The following BCL2 variants were observed in gnomAD, a reference collection of about 807,000 sequenced individuals.
BCL2 encodes the protein apoptosis regulator Bcl-2.
In BCL2, 1 loss-of-function variant was observed where a neutral mutation model predicts 14.2. The ratio of observed to expected loss-of-function variants is 0.07; its 90% CI spans 0.02 to 0.33. BCL2 has a LOEUF of 0.33. Among genes scored for constraint, BCL2 ranks in the 10% least tolerant of loss-of-function variants. The pLI is 0.99. For synonymous variants in BCL2, 151 were observed against 137.2 expected (o/e 1.10, Z -0.70); for missense variants, 247 against 305.9 (o/e 0.81, Z 1.44).
intron 2 of BCL2, among the ~76,000 whole-genome samples, chr18:63,273,954 C>T (rs571149241): frequency 6.6e-6 from 1 of 152,232 alleles, no homozygotes; most frequent in East Asian, 1.9e-4. Context: ...GGAATAAAAA[C>T]ACATATTCCT....
At chr18:63,240,218 G>A (rs1054369268) in intron 2 of BCL2, among the ~76,000 whole-genome samples, 8 of 152,038 alleles carry the variant, frequency 5.3e-5, no homozygotes, top group African/African-American at 1.9e-4. Flanking sequence ...TGAACTCCTG[G>A]GCTCAAGTGA....
intron 2 of BCL2, among the ~76,000 whole-genome samples, chr18:63,228,995 C>T (rs1204524859): frequency 6.6e-6 from 1 of 152,214 alleles, no homozygotes; most frequent in African/African-American, 2.4e-5. Flanking sequence ...CAGGCATGAG[C>T]CACCACGCCC....
chr18:63,286,385 A>G (rs1027117543), intron 2 of BCL2, among the ~76,000 whole-genome samples: 2 of 152,252 alleles, frequency 1.3e-5, no homozygotes, highest in Admixed American at 1.3e-4. Context: ...TAGACACAAA[A>G]TGAATAAACA....
intron 2 of BCL2, among the ~76,000 whole-genome samples, chr18:63,133,191 G>A (rs749855988): frequency 3.3e-5 from 5 of 152,292 alleles, no homozygotes; most frequent in East Asian, 3.9e-4. Context: ...AGGTGTGGAC[G>A]GGAACAGACC....
intron 2 of BCL2, among the ~76,000 whole-genome samples, chr18:63,263,624 C>G (rs1233719635): frequency 2.6e-5 from 4 of 152,254 alleles, no homozygotes; most frequent in Admixed American, 2.6e-4. Flanking sequence ...GCAGTCACAT[C>G]ATTGCATCAT....
At chr18:63,220,145 G>A (rs1910346773) in intron 2 of BCL2, among the ~76,000 whole-genome samples, 3 of 152,148 alleles carry the variant, frequency 2.0e-5, no homozygotes, top group Admixed American at 6.5e-5. Context: ...TTTATTACCT[G>A]TAAAGTTGGG....
chr18:63,242,211 T>A (rs1030720403), intron 2 of BCL2, among the ~76,000 whole-genome samples: 1 of 152,214 alleles, frequency 6.6e-6, no homozygotes, highest in Non-Finnish European at 1.5e-5. Context: ...CTTAAGAATA[T>A]GAGAAAACAG....
intron 2 of BCL2, among the ~76,000 whole-genome samples, chr18:63,234,790 C>T (rs1910778043): frequency 1.3e-5 from 2 of 152,204 alleles, no homozygotes; most frequent in African/African-American, 4.8e-5. Flanking sequence ...GTACTATCCT[C>T]ATCTAAAAAT....
At chr18:63,313,717 C>G (rs985561588) in intron 2 of BCL2, 1 of 152,088 alleles carries the variant, frequency 6.6e-6, no homozygotes, top group African/African-American at 2.4e-5. Context: ...CATGCAGCAC[C>G]CACACACTCG....
Position 63,318,588 on chromosome 18 carries a change from C to T in BCL2, c.79G>A (p.Gly27Ser), listed in dbSNP as rs779372254. 2 of 1,606,420 alleles carry T rather than the reference C, an allele frequency of 1.2e-6. No individual in the cohort carries two copies. Among genetic ancestry groups the T allele is most frequent in the African/African-American group, 1.3e-5 (1 of 74,092 alleles). Reference sequence around the variant, plus strand: ...ACATCTCCCGCATCCCACTCGTAGCCCCTCTGCGACAGCTTATAATGGATG... The same window carrying T: ...ACATCTCCCGCATCCCACTCGTAGCTCCTCTGCGACAGCTTATAATGGATG... ...KYIHYKLSQRGYEWDAGDVGA... is the reference protein window; with the variant it reads ...KYIHYKLSQRSYEWDAGDVGA... The change falls in exon 2 of 3, where the codon GGC becomes AGC. Residue 27 changes from glycine (G) to serine (S), a missense_variant. Gly to Ser is a moderately conservative substitution (Grantham distance 56, BLOSUM62 0). Transcript: ENST00000333681. This position sits in a 1 kb window ranked among gnomAD's most constrained non-coding sequence, Gnocchi z 7.4.
At chr18:63,273,363 A>T (rs913101045) in intron 2 of BCL2, among the ~76,000 whole-genome samples, 5 of 152,202 alleles carry the variant, frequency 3.3e-5, no homozygotes, top group African/African-American at 1.2e-4. Context: ...GATATGTAAT[A>T]TGCCACCAAC....
intron 2 of BCL2, among the ~76,000 whole-genome samples, chr18:63,174,341 C>CG (rs547581641): frequency 1.4e-3 from 209 of 152,104 alleles, no homozygotes; most frequent in African/African-American, 4.4e-3. Context: ...TACGCATGGA[C>CG]GGGTGGATGA....
intron 2 of BCL2, among the ~76,000 whole-genome samples, chr18:63,190,184 A>G (rs1450387365): frequency 1.3e-5 from 2 of 152,170 alleles, no homozygotes; most frequent in Non-Finnish European, 2.9e-5. Flanking sequence ...ATTTCCCATC[A>G]TTCTCCCTAA....
intron 2 of BCL2, among the ~76,000 whole-genome samples, chr18:63,179,419 C>T (rs1297694722): frequency 6.6e-6 from 1 of 152,190 alleles, no homozygotes; most frequent in Non-Finnish European, 1.5e-5. Flanking sequence ...CCCTCTAGGG[C>T]CCCTGGGGCT....
At chr18:63,281,736 G>GAAAGAAAGA in intron 2 of BCL2, among the ~76,000 whole-genome samples, 1 of 136,860 alleles carries the variant, frequency 7.3e-6, no homozygotes, top group Non-Finnish European at 1.6e-5. Flanking sequence ...AAGAAAGAAA[G>GAAAGAAAGA]AAAAAGAGAG....
At chr18:63,272,959 C>G (rs1912045250) in intron 2 of BCL2, among the ~76,000 whole-genome samples, 1 of 151,438 alleles carries the variant, frequency 6.6e-6, no homozygotes, top group Non-Finnish European at 1.5e-5. Context: ...TCTTGGTAGT[C>G]CATTCACATT....
chr18:63,226,325 A>G (rs1378918916), intron 2 of BCL2, among the ~76,000 whole-genome samples: 2 of 152,130 alleles, frequency 1.3e-5, no homozygotes, highest in Non-Finnish European at 2.9e-5. Context: ...GTGGGAAAAC[A>G]GGGATGTAAA....
chr18:63,132,411 C>T (rs576107441), intron 2 of BCL2, among the ~76,000 whole-genome samples: 4 of 152,268 alleles, frequency 2.6e-5, no homozygotes, highest in Non-Finnish European at 4.4e-5. Flanking sequence ...CTGAGCCTGC[C>T]GTTTTGCAGA....
chr18:63,202,662 T>A (rs1002038854), intron 2 of BCL2, among the ~76,000 whole-genome samples: 13 of 152,236 alleles, frequency 8.5e-5, no homozygotes, highest in Admixed American at 8.5e-4. Context: ...ACTTCCATCA[T>A]AGGCTACTTT....
Sources: gnomAD v4.1 joint callset for allele counts (sites outside exome capture counted in the v4.1 genomes callset) on GRCh38, gnomAD v4.1.1 for gene constraint, Gnocchi (gnomAD v3.1) non-coding constraint, MANE v1.5 for transcripts, NCBI Gene and HGNC (gene_info 2026-07-23, HGNC 2026-07-21) for gene names.